The following PGAP3 variants were observed in gnomAD, a reference collection of about 807,000 sequenced individuals.
The protein encoded by PGAP3 is GPI-specific phospholipase A2-like PGAP3.
A neutral mutation model predicts 40.3 loss-of-function variants in PGAP3; 31 were observed. The observed-to-expected ratio is 0.77, with a 90% CI of 0.58 to 1.04. The LOEUF is 1.04. PGAP3 is among the 50% of genes least tolerant of loss of function. The pLI, the probability that PGAP3 is intolerant of heterozygous loss-of-function variation, is 0.00. For synonymous variants in PGAP3, 191 were observed against 184.5 expected (o/e 1.04, Z -0.29); for missense variants, 413 against 423.0 (o/e 0.98, Z 0.21).
At chr17:39,685,075 T>G (rs1384396168) in intron 2 of PGAP3, among the ~76,000 whole-genome samples, 8 of 152,160 alleles carry the variant, frequency 5.3e-5, no homozygotes, top group East Asian at 3.9e-4. Flanking sequence ...TCCCAACCCC[T>G]CCTCTACCAC....
chr17:39,673,436 T>C, intron 6 of PGAP3, 78 bp downstream of exon 6: 7 of 1,598,050 alleles, frequency 4.4e-6, no homozygotes, highest in Non-Finnish European at 6.0e-6. Flanking sequence ...AACCTCCTTC[T>C]CCAGGAATGG....
chr17:39,673,857 G>T, intron 5 of PGAP3, 136 bp downstream of exon 5: 2 of 1,247,906 alleles, frequency 1.6e-6, no homozygotes, highest in Non-Finnish European at 2.3e-6. Context: ...TCCTCACCCA[G>T]GACAGCTGAT....
chr17:39,676,419 C>T (rs1216074630), intron 3 of PGAP3, among the ~76,000 whole-genome samples: 7 of 152,226 alleles, frequency 4.6e-5, no homozygotes, highest in South Asian at 2.1e-4. Context: ...CTCAGAACAC[C>T]GAAAGCAGGG....
intron 3 of PGAP3, among the ~76,000 whole-genome samples, chr17:39,678,143 T>C (rs1397324606): frequency 6.6e-6 from 1 of 152,224 alleles, no homozygotes; most frequent in Non-Finnish European, 1.5e-5. Context: ...CATTGCCTGT[T>C]CCACTAGCTC....
At chr17:39,687,108 C>T (rs533051566) in intron 1 of PGAP3, among the ~76,000 whole-genome samples, 6 of 152,268 alleles carry the variant, frequency 3.9e-5, no homozygotes, top group African/African-American at 1.4e-4. Flanking sequence ...TCTCTCTGTT[C>T]CCTCTGTCTG....
At chr17:39,675,787 T>C (rs1299349361) in intron 3 of PGAP3, among the ~76,000 whole-genome samples, 10 of 151,702 alleles carry the variant, frequency 6.6e-5, no homozygotes, top group Middle Eastern at 3.2e-3. Flanking sequence ...GGGGCAGAAC[T>C]GCTGCACAGC....
intron 5 of PGAP3, 161 bp from the exon 6 acceptor site, chr17:39,673,811 T>C (rs112663990): frequency 7.8e-5 from 96 of 1,225,754 alleles, no homozygotes; most frequent in Middle Eastern, 5.1e-4. Flanking sequence ...CTACAGCTCC[T>C]TGTCAGGAGC....
intron 2 of PGAP3, 89 bp from the exon 3 acceptor site, chr17:39,684,838 G>A (rs1051712373): frequency 3.5e-6 from 5 of 1,417,970 alleles, no homozygotes; most frequent in Non-Finnish European, 4.7e-6. Flanking sequence ...GAAGCAACAG[G>A]TCCTCAGCTG....
In PGAP3 at chr17:39,685,965, A is replaced by T; in HGVS notation, c.236T>A (p.Leu79His). 1 of 1,613,540 alleles carries T rather than the reference A, an allele frequency of 6.2e-7. No individual in the cohort carries two copies. Among genetic ancestry groups the T allele is most frequent in the Non-Finnish European group, 8.5e-7 (1 of 1,179,604 alleles). The change falls in exon 2 of 8, where the codon CTC becomes CAC. Residue 79 changes from leucine (L) to histidine (H), a missense_variant. Leu to His is a moderately conservative substitution (Grantham distance 99). Coordinates refer to ENST00000300658, the MANE Select transcript of PGAP3 (RefSeq NM_033419.5). The stretch of plus-strand genomic sequence containing the variant: ...CACTTTGTGACCTTCCTGGAGGTAG[A>T]GCCCAACGGTGACCCACATACACTC... ...KYECMWVTVG[L>H]YLQEGHKVPQ...
In PGAP3 at chr17:39,672,823, C is replaced by T; in HGVS notation, c.943G>A (p.Asp315Asn). The T allele has an allele frequency of 1.2e-6, 2 of 1,614,140 alleles. No homozygotes were observed. Among genetic ancestry groups the T allele is most frequent in the Non-Finnish European group, 1.7e-6 (2 of 1,180,002 alleles). ...GGTCTTCAGTCCAGCTTGAACTTGT[C>T]CTCTGATTCCTTCAGCAGGTACAGG... ...DSLYLLKESE[D>N]KFKLD is the part of the protein sequence containing the mutation. The change falls in exon 8 of 8, where the codon GAC becomes AAC. Residue 315 changes from aspartate to asparagine, a missense_variant. Transcript: ENST00000300658.
chr17:39,684,124 CAAAAAAAAAAAAAAAA>C (rs58205601), intron 3 of PGAP3, among the ~76,000 whole-genome samples: 1 of 64,398 alleles, frequency 1.6e-5, no homozygotes, highest in African/African-American at 8.6e-5. Context: ...GACTCTGTCT[CAAAAAAAAAAAAAAAA>C]AAAAAAAAAA....
chr17:39,686,184 G>A (rs1055789722), intron 1 of PGAP3, among the ~76,000 whole-genome samples, 165 bp from the exon 2 acceptor site: 5 of 152,224 alleles, frequency 3.3e-5, no homozygotes, highest in Non-Finnish European at 7.3e-5. Context: ...GAGAGATGAT[G>A]AGATGTACAC....
chr17:39,674,605 A>T lies in PGAP3; in HGVS notation c.495+12T>A. 6.5e-7 allele frequency: 1 copy of T among 1,549,474 alleles called. No homozygotes were observed. The highest frequency in any genetic ancestry group is 8.7e-7 in the Non-Finnish European group (1 of 1,145,260). ...CACCCTGTGCAGGAGGGGGAGCTGG[A>T]GGAATGCTCACCTCTGTGAGGTCAG... is the stretch of plus-strand genomic sequence containing the variant. On this transcript the variant is annotated intron_variant, in intron 4 of 7. Transcript: ENST00000300658.
At position 39,672,691 on chromosome 17, in the gene PGAP3, T is replaced by G; in HGVS notation, c.*112A>C. On this transcript the variant is annotated 3_prime_UTR_variant, in exon 8 of 8. Coordinates refer to ENST00000300658, the MANE Select transcript of PGAP3 (RefSeq NM_033419.5). ...CATGATTCTGGGCCCACATCCTTCA[T>G]GTCCAAGTTCAAGAAGTTGAAAAGA... is the stretch of plus-strand genomic sequence containing the variant. The G allele has an allele frequency of 8.9e-7, 1 of 1,126,348 alleles. No homozygotes were observed. Among genetic ancestry groups the G allele is most frequent in the South Asian group, 1.3e-5 (1 of 75,134 alleles). The allele number at this position is 1,126,348 out of a possible 1,614,324, so 69.8% of individuals were successfully genotyped here. A position where few individuals can be genotyped will look rare whatever the true frequency, so the allele number is the denominator to read the frequency against.
chr17:39,671,746 G>C lies in PGAP3; in HGVS notation c.*1057C>G, dbSNP rs1213336697. 1 of 152,518 alleles carries C rather than the reference G, an allele frequency of 6.6e-6. No homozygotes were observed. The highest frequency in any genetic ancestry group is 2.4e-5 in the African/African-American group (1 of 41,446). The allele number at this position is 152,518 out of a possible 1,614,324, so 9.4% of individuals were successfully genotyped here. On this transcript the variant is annotated 3_prime_UTR_variant, in exon 8 of 8. Transcript: ENST00000300658. ...GTGAGGTTTGCAGGAGGCGGGCAAA[G>C]GGGCACCAGACAGGGAACATGCACA...
chr17:39,686,100 G>T, intron 1 of PGAP3, 81 bp from the exon 2 acceptor site: 1 of 1,267,822 alleles, frequency 7.9e-7, no homozygotes, highest in Non-Finnish European at 1.1e-6. Context: ...AAGCGCAAAT[G>T]TAGGCCAAGA....
intron 3 of PGAP3, among the ~76,000 whole-genome samples, chr17:39,677,941 G>T (rs1242599011): frequency 6.6e-6 from 1 of 152,162 alleles, no homozygotes; most frequent in Non-Finnish European, 1.5e-5. Flanking sequence ...TCTCAGAAGT[G>T]GGGGAGGCAG....
rs2057303015 is a variant in PGAP3 at position 39,671,336 on chromosome 17, G to A, written c.*1467C>T. ...ACTGCCTTTGGGATGGAAAGTTTCTGGAGCTCCCTCCATTCTATTCCTGTG... is the reference window on the plus strand; with the variant it reads ...ACTGCCTTTGGGATGGAAAGTTTCTAGAGCTCCCTCCATTCTATTCCTGTG... On this transcript the variant is annotated 3_prime_UTR_variant, in exon 8 of 8. Coordinates refer to ENST00000300658, the MANE Select transcript of PGAP3 (RefSeq NM_033419.5). 1 of 152,360 alleles carries A rather than the reference G, an allele frequency of 6.6e-6. No homozygotes were observed. The highest frequency in any genetic ancestry group is 2.1e-4 in the South Asian group (1 of 4,834). The allele number at this position is 152,360 out of a possible 1,614,324, so 9.4% of individuals were successfully genotyped here. A position where few individuals can be genotyped will look rare whatever the true frequency, so the allele number is the denominator to read the frequency against.
intron 3 of PGAP3, among the ~76,000 whole-genome samples, chr17:39,682,182 C>T (rs539725469): frequency 8.3e-4 from 107 of 128,444 alleles, no homozygotes; most frequent in Non-Finnish European, 1.0e-3. Flanking sequence ...GCCAAGATGG[C>T]GCCACTGCAC....
Sources: gnomAD v4.1 joint callset for allele counts (sites outside exome capture counted in the v4.1 genomes callset) on GRCh38, gnomAD v4.1.1 for gene constraint, MANE v1.5 for transcripts, NCBI Gene and HGNC (gene_info 2026-07-23, HGNC 2026-07-21) for gene names.